EXOC4: variants seen among roughly 807,000 people sequenced by gnomAD.
EXOC4 encodes the protein SEC8-like 1.
A neutral mutation model predicts 107.2 loss-of-function variants in EXOC4; 71 were observed. The ratio of observed to expected loss-of-function variants is 0.66; its 90% CI spans 0.55 to 0.81. The LOEUF (loss-of-function observed/expected upper bound fraction) is 0.81, where lower values mean the gene tolerates loss of function less well. EXOC4 is among the 30% of genes least tolerant of loss of function. The pLI, the probability that EXOC4 is intolerant of heterozygous loss-of-function variation, is 0.00. For missense variants in EXOC4, 1,108 were observed against 1,189.6 expected (o/e 0.93, Z 1.01); for synonymous variants, 456 against 441.2 (o/e 1.03, Z -0.42).
chr7:133,256,843 G>C (rs933940648), intron 1 of EXOC4, among the ~76,000 whole-genome samples: 1 of 151,734 alleles, frequency 6.6e-6, no homozygotes, highest in African/African-American at 2.4e-5. Flanking sequence ...GGGAATATCC[G>C]AATCTCATCG....
At chr7:134,082,500 G>T in the EXOC4 span, among the ~76,000 whole-genome samples, 1 of 152,176 alleles carries the variant, frequency 6.6e-6, no homozygotes, top group Non-Finnish European at 1.5e-5. Context: ...GAGTGCAGTG[G>T]CATGATCTCT....
At chr7:133,605,915 G>T (rs938334986) in intron 9 of EXOC4, among the ~76,000 whole-genome samples, 5 of 152,096 alleles carry the variant, frequency 3.3e-5, no homozygotes, top group Non-Finnish European at 7.4e-5. Context: ...GAATTAGCCA[G>T]GAGACCCCAG....
chr7:133,688,449 C>T (rs1794353002), intron 10 of EXOC4, among the ~76,000 whole-genome samples: 1 of 152,102 alleles, frequency 6.6e-6, no homozygotes, highest in South Asian at 2.1e-4. Flanking sequence ...TTACTTTACT[C>T]TAGAAATGAC....
intron 5 of EXOC4, among the ~76,000 whole-genome samples, chr7:133,340,575 C>T (rs934162092): frequency 2.0e-5 from 3 of 151,828 alleles, no homozygotes; most frequent in African/African-American, 7.3e-5. Context: ...CTTTTTCTAT[C>T]TTGTGGATTA....
chr7:133,514,329 T>G (rs2150902803), intron 9 of EXOC4, among the ~76,000 whole-genome samples: 1 of 152,236 alleles, frequency 6.6e-6, no homozygotes, highest in Non-Finnish European at 1.5e-5. Flanking sequence ...CGCGCCCAGC[T>G]AATTTTATAT....
intron 17 of EXOC4, among the ~76,000 whole-genome samples, chr7:134,035,533 T>C (rs1795369910): frequency 6.6e-6 from 1 of 152,218 alleles, no homozygotes; most frequent in South Asian, 2.1e-4. Flanking sequence ...AGATGAGCCA[T>C]ATCTTTGTCT....
intron 9 of EXOC4, among the ~76,000 whole-genome samples, chr7:133,606,008 A>G (rs1280743788): frequency 2.0e-5 from 3 of 152,136 alleles, no homozygotes; most frequent in African/African-American, 7.2e-5. Context: ...CTAGAAAGGA[A>G]TGGTTAATTG....
chr7:133,472,780 AAGG>A (rs775664225), intron 7 of EXOC4, among the ~76,000 whole-genome samples: 3 of 152,162 alleles, frequency 2.0e-5, no homozygotes, highest in African/African-American at 2.4e-5. Flanking sequence ...TGCAGATTGA[AAGG>A]AGAAGTGGGT....
intron 13 of EXOC4, among the ~76,000 whole-genome samples, chr7:133,934,507 G>A (rs1047107103): frequency 2.6e-5 from 4 of 152,142 alleles, no homozygotes; most frequent in African/African-American, 7.2e-5. Flanking sequence ...AGAGGGAAAC[G>A]GGATAGGCAT....
intron 5 of EXOC4, among the ~76,000 whole-genome samples, chr7:133,340,475 G>A (rs997118188): frequency 2.0e-5 from 3 of 149,100 alleles, no homozygotes; most frequent in African/African-American, 7.4e-5. Flanking sequence ...GGGGATATTG[G>A]TATGTACTTT....
chr7:133,416,819 G>GC (rs1469729785), intron 7 of EXOC4, among the ~76,000 whole-genome samples: 1 of 152,180 alleles, frequency 6.6e-6, no homozygotes, highest in East Asian at 1.9e-4. Context: ...GGGAAGCTAA[G>GC]CCGATGTTGG....
chr7:133,309,468 C>T (rs547642974), intron 4 of EXOC4, among the ~76,000 whole-genome samples: 12 of 152,046 alleles, frequency 7.9e-5, no homozygotes, highest in South Asian at 2.1e-4. Context: ...ATTCTTTTTC[C>T]GAGCAAAATT....
At chr7:133,923,332 T>C (rs1799981295) in intron 13 of EXOC4, among the ~76,000 whole-genome samples, 1 of 152,082 alleles carries the variant, frequency 6.6e-6, no homozygotes, top group Non-Finnish European at 1.5e-5. Context: ...TTTCACCATA[T>C]TGGCCAGGCT....
intron 14 of EXOC4, among the ~76,000 whole-genome samples, chr7:133,951,790 G>A (rs1800697193): frequency 6.6e-6 from 1 of 152,192 alleles, no homozygotes; most frequent in Admixed American, 6.5e-5. Flanking sequence ...GAAACTTAAG[G>A]TTAACCTCCA....
chr7:133,544,257 A>C lies in EXOC4; in HGVS notation c.1417+64119A>C, dbSNP rs188980047. 3.7e-4 allele frequency among the ~76,000 whole-genome samples: 57 copies of C among 152,266 alleles called. 1 individual carries two copies. The East Asian group carries it at 0.011, about 29-fold the overall frequency. On this transcript the variant is annotated intron_variant, in intron 9 of 17. Coordinates refer to ENST00000253861, the MANE Select transcript of EXOC4 (RefSeq NM_021807.4). ...TTTTTCAGATCTAAAATAAAGTTCC[A>C]AATCTTGATAATCACAGCACGTTTA...
At chr7:133,679,144 C>A (rs1261230943) in intron 10 of EXOC4, among the ~76,000 whole-genome samples, 2 of 152,142 alleles carry the variant, frequency 1.3e-5, no homozygotes, top group East Asian at 1.9e-4. Flanking sequence ...AAAAGCAGGA[C>A]AAGTTTACAG....
intron 10 of EXOC4, among the ~76,000 whole-genome samples, chr7:133,701,751 C>A (rs766767106): frequency 2.4e-4 from 36 of 152,068 alleles, no homozygotes; most frequent in Admixed American, 1.0e-3. Context: ...AATGAGATAT[C>A]TTAAGGTTGG....
At chr7:133,604,710 C>CTTTTTTTTTTTTTTTTTTTTTTTTT (rs61548710) in intron 9 of EXOC4, among the ~76,000 whole-genome samples, 2 of 50,270 alleles carry the variant, frequency 4.0e-5, no homozygotes, top group Non-Finnish European at 6.9e-5. Context: ...TTCCTTCTTT[C>CTTTTTTTTTTTTTTTTTTTTTTTTT]TTTTTTTTTT....
chr7:133,660,761 C>T (rs914417102), intron 10 of EXOC4, among the ~76,000 whole-genome samples: 7 of 152,118 alleles, frequency 4.6e-5, no homozygotes, highest in African/African-American at 1.7e-4. Flanking sequence ...ATAGTAAATA[C>T]TTCATTAAAG....
Sources: allele counts gnomAD v4.1 joint callset (sites outside exome capture counted in the v4.1 genomes callset), GRCh38; gene constraint gnomAD v4.1.1; transcripts MANE v1.5; gene names NCBI Gene and HGNC (gene_info 2026-07-23, HGNC 2026-07-21).